The following PIWIL4 variants were observed in gnomAD, a reference collection of about 807,000 sequenced individuals.
PIWIL4 encodes the protein piwi-like protein 4.
A neutral mutation model predicts 100.9 loss-of-function variants in PIWIL4; 50 were observed. That is an observed-to-expected ratio of 0.50 (90% CI 0.39 to 0.63). The LOEUF (loss-of-function observed/expected upper bound fraction) is 0.63, where lower values mean the gene tolerates loss of function less well. Ranked by LOEUF, PIWIL4 falls within the 20% of genes least tolerant of loss-of-function variation. The probability of loss-of-function intolerance (pLI) is 0.00; values close to 1 mark genes in which losing one functional copy is unlikely to be tolerated. For synonymous variants in PIWIL4, 342 were observed against 367.5 expected (o/e 0.93, Z 0.79); for missense variants, 887 against 1,043.3 (o/e 0.85, Z 2.06).
chr11:94,614,128 T>C (rs1948817125), intron 15 of PIWIL4, among the ~76,000 whole-genome samples: 1 of 151,800 alleles, frequency 6.6e-6, no homozygotes, highest in African/African-American at 2.4e-5. Context: ...TGTATTTTTT[T>C]TTTAATGTCA....
At position 94,621,081 on chromosome 11, in the gene PIWIL4, C is replaced by T; in HGVS notation, c.*89C>T. The T allele has an allele frequency of 1.2e-6, 1 of 865,902 alleles. No individual in the cohort carries two copies. Among genetic ancestry groups the T allele is most frequent in the Non-Finnish European group, 1.8e-6 (1 of 551,890 alleles). The allele number at this position is 865,902 out of a possible 1,614,324, so 53.6% of individuals were successfully genotyped here. On this transcript the variant is annotated 3_prime_UTR_variant, in exon 20 of 20. Coordinates refer to ENST00000299001, the MANE Select transcript of PIWIL4 (RefSeq NM_152431.3). ...ATCTGCCATAAGCTCAAGGCTGTGA[C>T]TGGGGAAAAAGATTGAGCTTAGTTT...
intron 2 of PIWIL4, among the ~76,000 whole-genome samples, chr11:94,573,007 C>T (rs1180917623): frequency 6.6e-6 from 1 of 152,172 alleles, no homozygotes; most frequent in African/African-American, 2.4e-5. Flanking sequence ...TCATTCACAT[C>T]CCTGTAAGTT....
At chr11:94,577,075 G>C (rs1192968443) in intron 3 of PIWIL4, among the ~76,000 whole-genome samples, 1 of 152,178 alleles carries the variant, frequency 6.6e-6, no homozygotes, top group African/African-American at 2.4e-5. Context: ...TTCTTAAGAG[G>C]CCTGTTTCAT....
intron 17 of PIWIL4, among the ~76,000 whole-genome samples, chr11:94,618,354 G>A (rs1294501774): frequency 2.6e-5 from 4 of 152,170 alleles, no homozygotes; most frequent in Non-Finnish European, 5.9e-5. Flanking sequence ...ACAAAGAAAG[G>A]TACCCTCAGA....
intron 6 of PIWIL4, 82 bp from the exon 7 acceptor site, chr11:94,586,968 A>T: frequency 8.0e-7 from 1 of 1,246,674 alleles, no homozygotes; most frequent in Non-Finnish European, 1.1e-6. Flanking sequence ...GAATTAGAAC[A>T]GAAAATCACC....
In PIWIL4 at chr11:94,593,436, G is replaced by A. The variant is rs878897271; in HGVS notation, c.1027-82G>A. On this transcript the variant is annotated intron_variant, in intron 8 of 19. Transcript: ENST00000299001. ...TAGATTTATTTATATATTAATGTTA[G>A]GATCACCTTGTTGAATGTAAGGATG... 3.6e-6 allele frequency: 5 copies of A among 1,381,344 alleles called. No homozygotes were observed. In the South Asian group the frequency reaches 3.9e-5, roughly 11 times the overall value. 85.6% of individuals were successfully genotyped at this position (1,381,344 alleles called of 1,614,324 possible).
At chr11:94,570,934 G>C (rs560417965) in intron 2 of PIWIL4, among the ~76,000 whole-genome samples, 14 of 151,886 alleles carry the variant, frequency 9.2e-5, no homozygotes, top group Admixed American at 7.9e-4. Flanking sequence ...AAACAATTTA[G>C]TCATCTCTTT....
At chr11:94,602,779 A>C (rs2135285009) in intron 12 of PIWIL4, among the ~76,000 whole-genome samples, 1 of 152,348 alleles carries the variant, frequency 6.6e-6, no homozygotes, top group Middle Eastern at 3.4e-3. Flanking sequence ...CACAAGTATT[A>C]ATCCCAAAGT....
At chr11:94,596,837 A>G (rs1227027715) in intron 10 of PIWIL4, among the ~76,000 whole-genome samples, 3 of 152,238 alleles carry the variant, frequency 2.0e-5, no homozygotes, top group African/African-American at 7.2e-5. Flanking sequence ...CAAAGGAATT[A>G]GTGTGACCAG....
chr11:94,608,792 T>C, intron 15 of PIWIL4, 106 bp downstream of exon 15: 1 of 941,402 alleles, frequency 1.1e-6, no homozygotes, highest in Non-Finnish European at 1.7e-6. Context: ...TTCACTCATT[T>C]TAAACACCAA....
intron 8 of PIWIL4, among the ~76,000 whole-genome samples, chr11:94,589,678 C>G (rs79879337): frequency 6.6e-6 from 1 of 152,050 alleles, no homozygotes; most frequent in Non-Finnish European, 1.5e-5. Flanking sequence ...CATTTTCACA[C>G]GTTGCTTCTT....
intron 9 of PIWIL4, among the ~76,000 whole-genome samples, 155 bp downstream of exon 9, chr11:94,593,796 ATG>A (rs1948518724): frequency 6.6e-6 from 1 of 152,182 alleles, no homozygotes; most frequent in Admixed American, 6.5e-5. Context: ...TAATAGAGAC[ATG>A]TTGGGGGAAT....
Position 94,617,866 on chromosome 11 carries a change from C to T in PIWIL4, c.2015-88C>T, listed in dbSNP as rs12291566. On this transcript the variant is annotated intron_variant, in intron 16 of 19. Transcript: ENST00000299001. ...TTTTACAGTGGTCTGAAATAGCAAACCCATTTAAACACTGCAATATATGGG... is the reference window on the plus strand; with the variant it reads ...TTTTACAGTGGTCTGAAATAGCAAATCCATTTAAACACTGCAATATATGGG... The T allele has an allele frequency of 7.8e-3, 11,177 of 1,426,066 alleles. 549 individuals are homozygous for T. The African/African-American group carries it at 0.12, about 15-fold the overall frequency. 88.3% of individuals were successfully genotyped at this position (1,426,066 alleles called of 1,614,324 possible).
rs140877324 is a variant in PIWIL4, at chr11:94,575,554, A to G, written c.298+424A>G. On this transcript the variant is annotated intron_variant, in intron 3 of 19. Coordinates refer to ENST00000299001, the MANE Select transcript of PIWIL4 (RefSeq NM_152431.3). ...TATATATCTTCTGGGAAGTAGGTCT[A>G]TTGTTTTCATTGGATTCTCAAAAGT... Among the ~76,000 whole-genome samples, 529 of 152,320 alleles carry G rather than the reference A, an allele frequency of 3.5e-3. 2 individuals carry two copies. The highest frequency in any genetic ancestry group is 0.011 in the African/African-American group (459 of 41,580).
At chr11:94,596,946 A>G (rs1310757768) in intron 10 of PIWIL4, among the ~76,000 whole-genome samples, 1 of 152,232 alleles carries the variant, frequency 6.6e-6, no homozygotes, top group African/African-American at 2.4e-5. Flanking sequence ...GAGCTTTAAT[A>G]GGGAAACAAA....
chr11:94,615,473 T>C (rs1948835417), intron 15 of PIWIL4, among the ~76,000 whole-genome samples: 1 of 152,148 alleles, frequency 6.6e-6, no homozygotes, highest in Admixed American at 6.5e-5. Context: ...GTTAGTCTCA[T>C]CCATGGGTAA....
rs928889970 is a variant in PIWIL4, at chr11:94,567,506, G to A, written c.-13G>A. The A allele has an allele frequency of 7.6e-6, 12 of 1,569,622 alleles. No homozygotes were observed. The Admixed American group carries it at 2.2e-4, about 28-fold the overall frequency. On this transcript the variant is annotated 5_prime_UTR_variant, in exon 1 of 20. Coordinates refer to ENST00000299001, the MANE Select transcript of PIWIL4 (RefSeq NM_152431.3). ...TTTGCAGCTCTTGTGGCCACTCTGG[G>A]CTCACCGGGAACATGAGTGGAAGAG...
chr11:94,614,300 CTT>C (rs57731239), intron 15 of PIWIL4, among the ~76,000 whole-genome samples: 7 of 120,116 alleles, frequency 5.8e-5, no homozygotes, highest in Non-Finnish European at 6.7e-5. Flanking sequence ...TTTTTCTTTT[CTT>C]TTTTTTTTTT....
At position 94,593,561 on chromosome 11, in the gene PIWIL4, T is replaced by C; in HGVS notation, c.1070T>C (p.Val357Ala). 6.2e-7 allele frequency: 1 copy of C among 1,613,894 alleles called. No homozygotes were observed. The highest frequency in any genetic ancestry group is 1.1e-5 in the South Asian group (1 of 91,072). The stretch of plus-strand genomic sequence containing the variant: ...TCGGACCTGAATCAGCCCATGCTTG[T>C]TAGTCTGTTAAAGAAGAAGAGAAAT... ...TVSDLNQPML[V>A]SLLKKKRNDN... is the part of the protein sequence containing the mutation. Residue 357 changes from valine (V) to alanine (A), a missense_variant, in exon 9 of 20, where the codon GTT becomes GCT. By Grantham distance (64) the Val-to-Ala change is moderately conservative. Around this residue, in one of 2 missense-constraint regions of PIWIL4, gnomAD observed 741 missense variants for 930.0 expected, o/e 0.80. Transcript: ENST00000299001.
Sources: allele counts gnomAD v4.1 joint callset (sites outside exome capture counted in the v4.1 genomes callset), GRCh38; gene constraint gnomAD v4.1.1; regional missense constraint gnomAD v4.1.1; transcripts MANE v1.5; gene names NCBI Gene and HGNC (gene_info 2026-07-23, HGNC 2026-07-21).